The following NFATC3 variants were observed in gnomAD, a reference collection of about 807,000 sequenced individuals.
NFATC3 encodes the protein nuclear factor of activated T cells 3.
A neutral mutation model predicts 98.6 loss-of-function variants in NFATC3; 46 were observed. The ratio of observed to expected loss-of-function variants is 0.47; its 90% CI spans 0.37 to 0.60. The LOEUF (loss-of-function observed/expected upper bound fraction) is 0.60. Among genes scored for constraint, NFATC3 ranks in the 20% least tolerant of loss-of-function variants. The pLI is 0.00. For missense variants in NFATC3, 1,256 were observed against 1,295.5 expected, an observed-to-expected ratio of 0.97 and a Z score of 0.47; for synonymous variants, 512 against 472.2, an observed-to-expected ratio of 1.08 and a Z score of -1.09.
At chr16:68,188,802 G>A (rs1381777378) in intron 8 of NFATC3, among the ~76,000 whole-genome samples, 3 of 152,044 alleles carry the variant, frequency 2.0e-5, no homozygotes, top group Non-Finnish European at 2.9e-5. Context: ...TCTGCCTCCC[G>A]GGTTCAAGTG....
intron 9 of NFATC3, chr16:68,200,729 A>G (rs1567547170): frequency 6.6e-6 from 1 of 152,116 alleles, no homozygotes; most frequent in Non-Finnish European, 1.5e-5. Flanking sequence ...ACCTCCATAT[A>G]TCATTGCACC....
chr16:68,222,386 T>C (rs1289617170), intron 9 of NFATC3, among the ~76,000 whole-genome samples: 1 of 149,294 alleles, frequency 6.7e-6, no homozygotes, highest in Non-Finnish European at 1.5e-5. Flanking sequence ...TAAAACACCA[T>C]TTAAAATCCG....
chr16:68,196,604 G>C (rs2040681974), intron 9 of NFATC3, among the ~76,000 whole-genome samples: 1 of 151,814 alleles, frequency 6.6e-6, no homozygotes, highest in Admixed American at 6.6e-5. Context: ...GAGGCAGGGA[G>C]AATTGCTTGA....
intron 4 of NFATC3, among the ~76,000 whole-genome samples, chr16:68,163,861 G>C (rs1364201963): frequency 6.6e-6 from 1 of 150,670 alleles, no homozygotes; most frequent in Non-Finnish European, 1.5e-5. Flanking sequence ...GGGAAGAGGC[G>C]CTCCTCACTT....
At chr16:68,090,795 A>G (rs748232849) in intron 1 of NFATC3, among the ~76,000 whole-genome samples, 20 of 152,136 alleles carry the variant, frequency 1.3e-4, no homozygotes, top group Admixed American at 9.2e-4. Flanking sequence ...ACTGTAAAGG[A>G]GGTTTTGGAT....
In NFATC3 at chr16:68,191,519, G is replaced by T. The variant is rs2040413646; in HGVS notation, c.2850G>T (p.Met950Ile). ...CACCATCTCCTCAGCTTCAGCCTAT[G>T]CCTTACCAATCTCCTAGCTCAGGAA... is the stretch of plus-strand genomic sequence containing the variant. ...SGPPSPQLQP[M>I]PYQSPSSGTA... Residue 950 changes from methionine (M) to isoleucine (I), a missense_variant, in exon 9 of 10, where the codon ATG (methionine) becomes ATT (isoleucine). Physicochemically the swap from Met to Ile is conservative, Grantham distance 10. Around this residue, in one of 3 missense-constraint regions of NFATC3, gnomAD observed 636 missense variants for 617.3 expected, o/e 1.03. Coordinates refer to ENST00000346183, the MANE Select transcript of NFATC3 (RefSeq NM_173165.3). The T allele has an allele frequency of 2.5e-6, 4 of 1,614,078 alleles. No homozygotes were observed. The South Asian group carries it at 4.4e-5, about 18-fold the overall frequency.
chr16:68,108,039 A>T (rs1002685166), intron 1 of NFATC3, among the ~76,000 whole-genome samples: 1 of 151,604 alleles, frequency 6.6e-6, no homozygotes, highest in South Asian at 2.1e-4. Context: ...CACTGTGATG[A>T]TAGTTTCTTT....
chr16:68,192,094 G>C, intron 9 of NFATC3: 1 of 201,924 alleles, frequency 5.0e-6, no homozygotes, highest in Non-Finnish European at 1.0e-5. Flanking sequence ...TATAATCCCA[G>C]CTACTCGGGA....
chr16:68,184,834 CAAAAA>C (rs1334267212), intron 8 of NFATC3, among the ~76,000 whole-genome samples: 10 of 113,708 alleles, frequency 8.8e-5, no homozygotes, highest in African/African-American at 2.2e-4. Flanking sequence ...AACAAACAAA[CAAAAA>C]ACACACAAAT....
chr16:68,198,744 A>G (rs1242431284), intron 9 of NFATC3, among the ~76,000 whole-genome samples: 1 of 152,056 alleles, frequency 6.6e-6, no homozygotes, highest in Non-Finnish European at 1.5e-5. Flanking sequence ...TCTCTACCAA[A>G]AATTTAAAAA....
chr16:68,160,783 C>G (rs1373968776), intron 4 of NFATC3, among the ~76,000 whole-genome samples: 2 of 152,070 alleles, frequency 1.3e-5, no homozygotes, highest in African/African-American at 4.8e-5. Flanking sequence ...CTCCCAGGCT[C>G]AAGTGATTCT....
chr16:68,109,190 G>A (rs1026043783), intron 1 of NFATC3, among the ~76,000 whole-genome samples: 1 of 152,196 alleles, frequency 6.6e-6, no homozygotes, highest in African/African-American at 2.4e-5. Flanking sequence ...TGCGTATCCA[G>A]TATGACATTG....
rs141539895 is a variant in NFATC3 at position 68,185,220 on chromosome 16, G to A, written c.2098+1854G>A. 8.1e-3 allele frequency among the ~76,000 whole-genome samples: 1,230 copies of A among 152,204 alleles called. 16 individuals carry two copies. The highest frequency in any genetic ancestry group is 0.028 in the African/African-American group (1,151 of 41,538). On this transcript the variant is annotated intron_variant, in intron 8 of 9. Coordinates refer to ENST00000346183, the MANE Select transcript of NFATC3 (RefSeq NM_173165.3). ...TCGAACTCCTGACCTCAGGCAATCC[G>A]CTTGCCTTGGCCTTCCAAAGCGCTG...
rs61476658 is a variant in NFATC3, at chr16:68,174,054, G to A, written c.1775-320G>A. 3.9e-3 allele frequency among the ~76,000 whole-genome samples: 593 copies of A among 152,284 alleles called. 6 individuals carry two copies. The highest frequency in any genetic ancestry group is 0.014 in the African/African-American group (580 of 41,562). ...CCCAGCTACTTGGGAGACTGAGATGGGAGCATCACTTGAGCCCAGGAACTG... is the reference window on the plus strand; with the variant it reads ...CCCAGCTACTTGGGAGACTGAGATGAGAGCATCACTTGAGCCCAGGAACTG... On this transcript the variant is annotated intron_variant, in intron 5 of 9. Transcript: ENST00000346183.
chr16:68,206,944 T>C (rs1260329022), intron 9 of NFATC3, among the ~76,000 whole-genome samples: 1 of 147,730 alleles, frequency 6.8e-6, no homozygotes, highest in Non-Finnish European at 1.5e-5. Flanking sequence ...GATTGCACCA[T>C]GCACTCCAAC....
intron 8 of NFATC3, among the ~76,000 whole-genome samples, chr16:68,183,568 A>G (rs527501758): frequency 3.9e-5 from 6 of 152,340 alleles, no homozygotes. Context: ...TATTATAAGG[A>G]AATTAGAAGA....
At chr16:68,102,881 T>C (rs531353423) in intron 1 of NFATC3, among the ~76,000 whole-genome samples, 1 of 152,316 alleles carries the variant, frequency 6.6e-6, no homozygotes, top group South Asian at 2.1e-4. Flanking sequence ...TTTTGTTTAT[T>C]TTTTCAAATT....
rs2042049735 is a variant in NFATC3 at position 68,226,917 on chromosome 16, A to AG, written c.*446_*447insG. The AG allele has an allele frequency of 3.4e-5, 4 of 116,424 alleles. No homozygotes were observed. The East Asian group carries it at 6.5e-4, about 19-fold the overall frequency. 7.2% of individuals were successfully genotyped at this position (116,424 alleles called of 1,614,324 possible). A position where few individuals can be genotyped will look rare whatever the true frequency, so the allele number is the denominator to read the frequency against. On this transcript the variant is annotated 3_prime_UTR_variant, in exon 10 of 10. Transcript: ENST00000346183. ...AGAAGCAAAAAAAAAAAAAAAAAAA[A>AG]AAAAAAGAAAAAAAAAGAAAAGAAA...
rs573469592 is a variant in NFATC3 at position 68,140,085 on chromosome 16, C to T, written c.1401+13475C>T. Among the ~76,000 whole-genome samples the T allele has an allele frequency of 2.6e-5, 4 of 152,330 alleles. No individual in the cohort carries two copies. In the South Asian group the frequency reaches 8.3e-4, roughly 32 times the overall value. Reference sequence around the variant, plus strand: ...AATCTTGGCTCACTGCAACCTCTGCCTCCCAGGTTTAAGCAATTCTCATGC... The same window carrying T: ...AATCTTGGCTCACTGCAACCTCTGCTTCCCAGGTTTAAGCAATTCTCATGC... On this transcript the variant is annotated intron_variant, in intron 3 of 9. Transcript: ENST00000346183.
Sources: allele counts gnomAD v4.1 joint callset (sites outside exome capture counted in the v4.1 genomes callset), GRCh38; gene constraint gnomAD v4.1.1; regional missense constraint gnomAD v4.1.1; transcripts MANE v1.5; gene names NCBI Gene and HGNC (gene_info 2026-07-23, HGNC 2026-07-21).